Variants in L3HYPDH observed in about 807,000 individuals in gnomAD.
The protein encoded by L3HYPDH is trans-L-3-hydroxyproline dehydratase, also known as trans-3-hydroxy-L-proline dehydratase.
L3HYPDH carries 32 observed loss-of-function variants against 26.5 expected under a neutral mutation model. The ratio of observed to expected loss-of-function variants is 1.21; its 90% CI spans 0.91 to 1.62. L3HYPDH has a LOEUF of 1.62. Among genes scored for constraint, L3HYPDH ranks in the 40% most tolerant of loss-of-function variants. The pLI is 0.00. For missense variants in L3HYPDH, 554 were observed against 476.4 expected, an observed-to-expected ratio of 1.16 and a Z score of -1.52; for synonymous variants, 215 against 196.6, an observed-to-expected ratio of 1.09 and a Z score of -0.78.
chr14:59,505,254 A>C, the L3HYPDH span: 1 of 1,496,440 alleles, frequency 6.7e-7, no homozygotes, highest in Non-Finnish European at 8.9e-7. Flanking sequence ...TTGTTAATGT[A>C]TTTTTCTCAG....
chr14:59,476,179 G>T lies in L3HYPDH; in HGVS notation c.714C>A (p.Ala238=). The stretch of plus-strand genomic sequence containing the variant: ...CTGTTAATATAGTTCCATATAAAAA[G>T]GCAAGGTCTTCACTATCAGGATGAT... ...KINHPDSEDL[A]FLYGTILTDG... The change falls in exon 3 of 5, where the codon GCC becomes GCA. Residue 238 remains alanine (A), a synonymous_variant. Transcript: ENST00000247194. 6.2e-7 allele frequency: 1 copy of T among 1,610,072 alleles called. No homozygotes were observed. Among genetic ancestry groups the T allele is most frequent in the Non-Finnish European group, 8.5e-7 (1 of 1,176,860 alleles).
At chr14:59,477,127 T>C (rs927649549) in intron 2 of L3HYPDH, among the ~76,000 whole-genome samples, 5 of 152,228 alleles carry the variant, frequency 3.3e-5, no homozygotes, top group Non-Finnish European at 7.3e-5. Context: ...CTTAAAGTGA[T>C]ACGCCCCACC....
the L3HYPDH span, among the ~76,000 whole-genome samples, chr14:59,496,056 A>G: frequency 0.013 from 1,952 of 152,248 alleles, 185 homozygotes; most frequent in Admixed American, 0.12. Context: ...GGCATGTGCC[A>G]CTATGCCTGG....
chr14:59,498,747 A>G, the L3HYPDH span: 1 of 1,562,056 alleles, frequency 6.4e-7, no homozygotes, highest in Non-Finnish European at 8.8e-7. Flanking sequence ...GTATTTATCT[A>G]TTACGCATTC....
intron 4 of L3HYPDH, chr14:59,474,471 G>T: frequency 4.3e-6 from 3 of 695,906 alleles, no homozygotes; most frequent in Non-Finnish European, 7.8e-6. Flanking sequence ...TTGGTCTCTC[G>T]GCTCCCTCTC....
Position 59,483,977 on chromosome 14 carries a change from A to G in L3HYPDH, c.340T>C (p.Phe114Leu). The G allele has an allele frequency of 6.3e-7, 1 of 1,578,102 alleles. No homozygotes were observed. The highest frequency in any genetic ancestry group is 1.3e-5 in the African/African-American group (1 of 74,282). Residue 114 changes from phenylalanine to leucine, a missense_variant, in exon 1 of 5, where the codon TTC becomes CTC. Physicochemically the swap from Phe to Leu is conservative, Grantham distance 22. Coordinates refer to ENST00000247194, the MANE Select transcript of L3HYPDH (RefSeq NM_144581.2). ...GGCACAAGCCCGAAGTCCAAAGCGA[A>G]GCGGCCCAGCGCCAGCACTGCGTGG... Reference protein sequence around the residue: ...CGHAVLALGRFALDFGLVPAP... With the variant: ...CGHAVLALGRLALDFGLVPAP...
At chr14:59,484,482 C>A, upstream of L3HYPDH, 1 of 1,448,002 alleles carries the variant, frequency 6.9e-7, no homozygotes, top group South Asian at 1.2e-5. Flanking sequence ...GAGCTGTCGC[C>A]CGGGTTACCG....
upstream of L3HYPDH, chr14:59,485,188 T>TTTTG: frequency 6.6e-7 from 1 of 1,513,350 alleles, no homozygotes; most frequent in Non-Finnish European, 9.0e-7. Context: ...TGAGAAACTT[T>TTTTG]AGATTATTGA....
chr14:59,484,781 C>G (rs1354316763), upstream of L3HYPDH: 9 of 913,790 alleles, frequency 9.8e-6, no homozygotes, highest in African/African-American at 1.7e-5. Context: ...CCGCAACGGG[C>G]TACTAGGGGA....
chr14:59,470,171 T>G (rs989242516), downstream of L3HYPDH, among the ~76,000 whole-genome samples: 5 of 152,258 alleles, frequency 3.3e-5, no homozygotes, highest in African/African-American at 1.2e-4. Flanking sequence ...TTTTCATGTG[T>G]TTCAGAGCTT....
chr14:59,494,526 G>A, the L3HYPDH span, among the ~76,000 whole-genome samples: 65,309 of 152,016 alleles, frequency 0.43, 15,840 homozygotes, highest in African/African-American at 0.66. Context: ...CAGAAATACA[G>A]TTGGGATAAA....
the L3HYPDH span, chr14:59,501,156 T>A: frequency 7.5e-7 from 1 of 1,325,274 alleles, no homozygotes; most frequent in Middle Eastern, 2.0e-4. Flanking sequence ...AAAATTTGTT[T>A]CATTTCCAAC....
intron 1 of L3HYPDH, among the ~76,000 whole-genome samples, chr14:59,480,150 T>C (rs1889913210): frequency 6.6e-6 from 1 of 152,236 alleles, no homozygotes; most frequent in Non-Finnish European, 1.5e-5. Flanking sequence ...TTGTCTTTCA[T>C]GTTTTTATTT....
upstream of L3HYPDH, chr14:59,485,358 T>C: frequency 2.4e-6 from 1 of 413,348 alleles, no homozygotes; most frequent in South Asian, 5.0e-5. Flanking sequence ...TAAGCGCCCA[T>C]TAAAGAGGCC....
In L3HYPDH at chr14:59,479,309, T is replaced by C; in HGVS notation, c.551A>G (p.Asp184Gly). The C allele has an allele frequency of 1.2e-6, 2 of 1,613,530 alleles. No individual in the cohort carries two copies. The highest frequency in any genetic ancestry group is 1.7e-6 in the Non-Finnish European group (2 of 1,179,858). The change falls in exon 2 of 5, where the codon GAC becomes GGC. Residue 184 changes from aspartate (D) to glycine (G), a missense_variant. Transcript: ENST00000247194. ...ATAAAATGCACCGCCATATGCAATG[T>C]CCACCATCACCTTTCCATGTCCAGG... is the stretch of plus-strand genomic sequence containing the variant. ...DVPGHGKVMVDIAYGGAFYAF... is the reference protein window; with the variant it reads ...DVPGHGKVMVGIAYGGAFYAF...
At chr14:59,498,351 A>C in the L3HYPDH span, among the ~76,000 whole-genome samples, 1 of 152,212 alleles carries the variant, frequency 6.6e-6, no homozygotes, top group Non-Finnish European at 1.5e-5. Context: ...CCAGTTTCTT[A>C]CATTTGAATA....
intron 4 of L3HYPDH, chr14:59,474,820 G>C (rs955035590): frequency 6.9e-5 from 19 of 273,916 alleles, no homozygotes; most frequent in African/African-American, 4.0e-4. Context: ...ATAAATGTAT[G>C]TTGTTATTTT....
At chr14:59,503,848 A>G in the L3HYPDH span, 3 of 1,589,486 alleles carry the variant, frequency 1.9e-6, no homozygotes, top group South Asian at 1.1e-5. Flanking sequence ...TTACAAAATT[A>G]TATAGAACTG....
chr14:59,466,164 TG>T (rs1013520277), intron 1 of L3HYPDH, among the ~76,000 whole-genome samples: 3 of 152,068 alleles, frequency 2.0e-5, no homozygotes, highest in African/African-American at 7.2e-5. Context: ...GGCTGATAAA[TG>T]GGGGGAGAGG....
Sources: gnomAD v4.1 joint callset for allele counts (sites outside exome capture counted in the v4.1 genomes callset) on GRCh38, gnomAD v4.1.1 for gene constraint, MANE v1.5 for transcripts, NCBI Gene and HGNC (gene_info 2026-07-23, HGNC 2026-07-21) for gene names.